The following RALGPS2 variants were observed in gnomAD, a reference collection of about 807,000 sequenced individuals.
RALGPS2 encodes the protein ras-specific guanine nucleotide-releasing factor RalGPS2.
RALGPS2 carries 43 observed loss-of-function variants against 86.8 expected under a neutral mutation model. The ratio of observed to expected loss-of-function variants is 0.50; its 90% CI spans 0.39 to 0.64. RALGPS2 has a LOEUF of 0.64. Ranked by LOEUF, RALGPS2 falls within the 30% of genes least tolerant of loss-of-function variation. The pLI, the probability that RALGPS2 is intolerant of heterozygous loss-of-function variation, is 0.00. For synonymous variants in RALGPS2, 243 were observed against 231.3 expected, an observed-to-expected ratio of 1.05 and a Z score of -0.46; for missense variants, 536 against 694.6, an observed-to-expected ratio of 0.77 and a Z score of 2.57.
At chr1:178,829,687 G>A (rs1039613452) in intron 7 of RALGPS2, among the ~76,000 whole-genome samples, 1 of 151,994 alleles carries the variant, frequency 6.6e-6, no homozygotes, top group African/African-American at 2.4e-5. Context: ...ATAAGACTAT[G>A]TTGTATACTT....
At chr1:178,862,801 A>G (rs1301523457) in intron 8 of RALGPS2, among the ~76,000 whole-genome samples, 1 of 152,140 alleles carries the variant, frequency 6.6e-6, no homozygotes, top group African/African-American at 2.4e-5. Context: ...TTAGGAGGAC[A>G]TTATTCTTAG....
intron 8 of RALGPS2, chr1:178,865,527 C>T: frequency 6.2e-7 from 1 of 1,614,104 alleles, no homozygotes; most frequent in African/African-American, 1.3e-5. Flanking sequence ...TTTTCAAGGT[C>T]CATCCTGGTG....
chr1:178,863,783 A>G lies in RALGPS2; in HGVS notation c.608-13715A>G, dbSNP rs189468535. 3.7e-3 allele frequency among the ~76,000 whole-genome samples: 558 copies of G among 152,332 alleles called. 5 individuals carry two copies. The highest frequency in any genetic ancestry group is 0.012 in the African/African-American group (505 of 41,572). On this transcript the variant is annotated intron_variant, in intron 8 of 19. Transcript: ENST00000367635. ...CAGTGAAGGACCTAAAGAAATAGGA[A>G]GTGAAGGAAGAATATTAAAATGTAG...
intron 2 of RALGPS2, among the ~76,000 whole-genome samples, chr1:178,780,086 G>C (rs1289418863): frequency 6.6e-6 from 1 of 152,142 alleles, no homozygotes; most frequent in African/African-American, 2.4e-5. Context: ...ATAGCAGAGA[G>C]AATCTGCTAG....
At chr1:178,853,096 G>C (rs1657292017) in intron 8 of RALGPS2, 2 of 1,422,042 alleles carry the variant, frequency 1.4e-6, no homozygotes, top group African/African-American at 2.9e-5. Flanking sequence ...TTGGTCACTT[G>C]CGTTTTATAA....
intron 1 of RALGPS2, chr1:178,747,675 A>G: frequency 2.0e-6 from 3 of 1,507,478 alleles, no homozygotes; most frequent in East Asian, 4.5e-5. Context: ...GTTTAACACA[A>G]CTGTGATCAT....
intron 1 of RALGPS2, among the ~76,000 whole-genome samples, chr1:178,767,562 T>C (rs1032929860): frequency 3.3e-5 from 5 of 152,104 alleles, no homozygotes; most frequent in Admixed American, 6.5e-5. Flanking sequence ...GCAAAGGCCG[T>C]ATCCTTGCCA....
intron 8 of RALGPS2, among the ~76,000 whole-genome samples, chr1:178,871,225 T>C (rs1190908726): frequency 6.6e-6 from 1 of 151,918 alleles, no homozygotes. Flanking sequence ...CAGCAGGAGG[T>C]TGAATAGTTT....
At chr1:178,730,374 G>A (rs1175381085) in intron 1 of RALGPS2, among the ~76,000 whole-genome samples, 1 of 152,146 alleles carries the variant, frequency 6.6e-6, no homozygotes. Flanking sequence ...ATATAGTCAT[G>A]CTTTTGATTA....
intron 5 of RALGPS2, among the ~76,000 whole-genome samples, chr1:178,809,964 T>C (rs1654898377): frequency 1.3e-5 from 2 of 152,264 alleles, no homozygotes; most frequent in South Asian, 2.1e-4. Context: ...AGCATTTGTC[T>C]AAGCCAGGTG....
intron 18 of RALGPS2, among the ~76,000 whole-genome samples, chr1:178,905,970 C>T (rs1024959624): frequency 6.6e-6 from 1 of 152,190 alleles, no homozygotes; most frequent in Non-Finnish European, 1.5e-5. Flanking sequence ...AGACTAAAAG[C>T]ATAGTCTATC....
chr1:178,822,304 T>C (rs187545759), intron 7 of RALGPS2, among the ~76,000 whole-genome samples: 4 of 152,238 alleles, frequency 2.6e-5, no homozygotes, highest in Admixed American at 2.6e-4. Flanking sequence ...TAACATGATA[T>C]TGTACTCAAT....
rs144966700 is a variant in RALGPS2, at chr1:178,817,127, A to G, written c.388-4485A>G. Among the ~76,000 whole-genome samples the G allele has an allele frequency of 5.9e-3, 903 of 151,916 alleles. 15 individuals are homozygous for G. The highest frequency in any genetic ancestry group is 0.021 in the African/African-American group (875 of 41,428). ...ATAATCCTAGCACTTTGGGAGGCTGAGGCGGGCAGATCACTTGAGGTCAGG... is the reference window on the plus strand; with the variant it reads ...ATAATCCTAGCACTTTGGGAGGCTGGGGCGGGCAGATCACTTGAGGTCAGG... On this transcript the variant is annotated intron_variant, in intron 6 of 19. Transcript: ENST00000367635.
In RALGPS2 at chr1:178,725,271, G is replaced by C. The variant is rs1485453365; in HGVS notation, c.-232G>C. The C allele has an allele frequency of 5.7e-6, 1 of 175,366 alleles. No homozygotes were observed. Among genetic ancestry groups the C allele is most frequent in the Non-Finnish European group, 1.2e-5 (1 of 85,982 alleles). The allele number at this position is 175,366 out of a possible 1,614,324, so 10.9% of individuals were successfully genotyped here. ...TCTCCTCCCCCGAGCGGCAGCGGCGGCGGCGGCGGCGGCTGCTGCGGGCGC... is the reference window on the plus strand; with the variant it reads ...TCTCCTCCCCCGAGCGGCAGCGGCGCCGGCGGCGGCGGCTGCTGCGGGCGC... On this transcript the variant is annotated 5_prime_UTR_variant, in exon 1 of 20. Transcript: ENST00000367635.
At chr1:178,798,222 T>C (rs544575461) in intron 4 of RALGPS2, among the ~76,000 whole-genome samples, 6 of 152,320 alleles carry the variant, frequency 3.9e-5, no homozygotes, top group Admixed American at 2.0e-4. Flanking sequence ...AGATGCAGTA[T>C]TAAGTCATAA....
intron 1 of RALGPS2, among the ~76,000 whole-genome samples, chr1:178,773,820 A>G (rs1282918959): frequency 6.6e-6 from 1 of 152,096 alleles, no homozygotes; most frequent in African/African-American, 2.4e-5. Context: ...TACTATTGAC[A>G]TGTACATTTG....
At chr1:178,880,032 T>A (rs1257371180) in intron 10 of RALGPS2, among the ~76,000 whole-genome samples, 1 of 152,126 alleles carries the variant, frequency 6.6e-6, no homozygotes, top group African/African-American at 2.4e-5. Context: ...TTTGTTACTT[T>A]TTTTAAAAAG....
intron 8 of RALGPS2, among the ~76,000 whole-genome samples, chr1:178,836,592 A>C (rs1656283049): frequency 6.6e-6 from 1 of 152,148 alleles, no homozygotes; most frequent in Admixed American, 6.5e-5. Context: ...GATGTTTCTC[A>C]AGCCCCATCT....
intron 1 of RALGPS2, among the ~76,000 whole-genome samples, chr1:178,756,396 A>G (rs1651959523): frequency 1.3e-5 from 2 of 152,184 alleles, no homozygotes; most frequent in South Asian, 4.1e-4. Context: ...CTATCCCAGC[A>G]CTATTTATTT....
Sources: gnomAD v4.1 joint callset for allele counts (sites outside exome capture counted in the v4.1 genomes callset) on GRCh38, gnomAD v4.1.1 for gene constraint, MANE v1.5 for transcripts, NCBI Gene and HGNC (gene_info 2026-07-23, HGNC 2026-07-21) for gene names.